The following WDR20 variants were observed in gnomAD, a reference collection of about 807,000 sequenced individuals.
WDR20 encodes WD repeat domain 20.
A neutral mutation model predicts 38.7 loss-of-function variants in WDR20; 3 were observed. The ratio of observed to expected loss-of-function variants is 0.08; its 90% CI spans 0.04 to 0.20. WDR20 has a LOEUF of 0.20. WDR20 is among the 10% of genes least tolerant of loss of function. The probability of loss-of-function intolerance (pLI) is 1.00; values close to 1 mark genes in which losing one functional copy is unlikely to be tolerated. For missense variants in WDR20, 559 were observed against 727.7 expected (o/e 0.77, Z 2.67); for synonymous variants, 298 against 285.6 (o/e 1.04, Z -0.44).
intron 2 of WDR20, 51 bp downstream of exon 2, chr14:102,195,171 A>G (rs1384876563): frequency 2.5e-6 from 4 of 1,581,878 alleles, no homozygotes; most frequent in East Asian, 4.5e-5. Context: ...GAGTTGATAC[A>G]TTCTTACCGA....
chr14:102,147,579 T>C (rs1030179445), intron 1 of WDR20, among the ~76,000 whole-genome samples: 1 of 152,254 alleles, frequency 6.6e-6, no homozygotes, highest in Non-Finnish European at 1.5e-5. Context: ...GTGTCACTTA[T>C]ACGATATTTA....
intron 2 of WDR20, among the ~76,000 whole-genome samples, chr14:102,200,678 C>T (rs2060245287): frequency 6.6e-6 from 1 of 152,150 alleles, no homozygotes; most frequent in Admixed American, 6.5e-5. Flanking sequence ...GAAGGATTTT[C>T]AAGTATGTGT....
At chr14:102,216,426 G>GGACC (rs1198570375), downstream of WDR20, among the ~76,000 whole-genome samples, 1 of 152,012 alleles carries the variant, frequency 6.6e-6, no homozygotes, top group Non-Finnish European at 1.5e-5. Context: ...TGAGTAACTG[G>GGACC]GACCATAGGC....
At chr14:102,139,457 G>A, upstream of WDR20, 2 of 1,483,996 alleles carry the variant, frequency 1.3e-6, no homozygotes, top group Non-Finnish European at 1.8e-6. Context: ...GTGGCCGTCG[G>A]GGTGGCGCTC....
At position 102,222,925 on chromosome 14, in the gene WDR20, C is replaced by G; in HGVS notation, c.*42C>G. 1.2e-6 allele frequency: 2 copies of G among 1,612,428 alleles called. No homozygotes were observed. Among genetic ancestry groups the G allele is most frequent in the Non-Finnish European group, 1.7e-6 (2 of 1,178,896 alleles). ...CGCACAGTCTCCCGGGACTTGGACT[C>G]GAGGGAGTGACGAGGAGGAGCTCCG... On this transcript the variant is annotated 3_prime_UTR_variant, in exon 4 of 4. Transcript: ENST00000335263. The surrounding 1 kb of genome is among the most constrained non-coding windows in gnomAD (Gnocchi z 4.4).
chr14:102,192,860 T>G (rs1408197703), intron 1 of WDR20, among the ~76,000 whole-genome samples: 1 of 152,182 alleles, frequency 6.6e-6, no homozygotes, highest in Non-Finnish European at 1.5e-5. Flanking sequence ...TAGCCTGAAG[T>G]GCAGTGGTGC....
intron 1 of WDR20, among the ~76,000 whole-genome samples, chr14:102,187,939 G>A (rs1244895709): frequency 2.6e-5 from 4 of 152,146 alleles, no homozygotes; most frequent in Admixed American, 6.5e-5. Context: ...CCTGCATTAG[G>A]CACTTGGTAG....
intron 1 of WDR20, among the ~76,000 whole-genome samples, chr14:102,175,825 G>C (rs1230751635): frequency 6.6e-6 from 1 of 152,096 alleles, no homozygotes; most frequent in Non-Finnish European, 1.5e-5. Context: ...TGTAAAAGGG[G>C]TTAAGTTCTT....
At chr14:102,196,068 G>A (rs992299371) in intron 2 of WDR20, among the ~76,000 whole-genome samples, 30 of 152,340 alleles carry the variant, frequency 2.0e-4, no homozygotes, top group Middle Eastern at 3.4e-3. Context: ...TGGTTTTTAA[G>A]AAATAATTTT....
downstream of WDR20, chr14:102,213,211 C>G: frequency 1.0e-6 from 1 of 985,468 alleles, no homozygotes; most frequent in Non-Finnish European, 1.2e-6. Flanking sequence ...GAGCCTTTCT[C>G]TGAGGCTTTT....
intron 1 of WDR20, among the ~76,000 whole-genome samples, chr14:102,153,964 T>C (rs1171330087): frequency 6.6e-6 from 1 of 152,206 alleles, no homozygotes; most frequent in African/African-American, 2.4e-5. Context: ...AGCAGGAGGA[T>C]TGCTTGAGGC....
At chr14:102,171,985 T>C (rs912431835) in intron 1 of WDR20, among the ~76,000 whole-genome samples, 7 of 151,196 alleles carry the variant, frequency 4.6e-5, no homozygotes, top group African/African-American at 1.7e-4. Context: ...GGGTCATATG[T>C]GGAGGGAAGG....
intron 2 of WDR20, chr14:102,197,982 G>A (rs898077807): frequency 7.3e-6 from 4 of 546,232 alleles, no homozygotes; most frequent in Middle Eastern, 8.4e-4. Context: ...TCTCAGGAGG[G>A]AAGAGAGGTA....
At chr14:102,204,401 C>T (rs1470804506) in intron 2 of WDR20, among the ~76,000 whole-genome samples, 1 of 152,194 alleles carries the variant, frequency 6.6e-6, no homozygotes, top group East Asian at 1.9e-4. Flanking sequence ...CTCCCCAGCA[C>T]GTTCTCTTCT....
chr14:102,224,676 C>T (rs768891828), downstream of WDR20: 6 of 455,828 alleles, frequency 1.3e-5, no homozygotes, highest in African/African-American at 2.0e-5. Context: ...TCAGCTCAGC[C>T]CTCGGTTTAG....
At chr14:102,193,496 C>T (rs753651051) in intron 1 of WDR20, 1 of 1,613,582 alleles carries the variant, frequency 6.2e-7, no homozygotes, top group Non-Finnish European at 8.5e-7. Context: ...CAGAGATTCT[C>T]ATCTCCGTTT....
rs774007872 is a variant in WDR20, at chr14:102,208,704, T to C, written c.534T>C (p.Asn178=). ...CGAGTGGGAACATGTACTTATATAA[T>C]GTGGAGCACACTTGTGGCACCACAG... ...AHSSGNMYLY[N]VEHTCGTTAP... Residue 178 remains asparagine (N), a synonymous_variant, in exon 3 of 3, where the codon AAT becomes AAC. Coordinates refer to ENST00000342702, the MANE Select transcript of WDR20 (RefSeq NM_144574.4). This position sits in a 1 kb window ranked among gnomAD's most constrained non-coding sequence, Gnocchi z 5.6. The C allele has an allele frequency of 1.2e-5, 19 of 1,614,074 alleles. No homozygotes were observed. The South Asian group carries it at 1.6e-4, about 14-fold the overall frequency.
rs372523423 is a variant in WDR20, at chr14:102,174,522, C to T, written c.250-20416C>T. ...GCAACCTCCACCTCCTGGGTTCAAGCGATTCTCCTGTCTCAGCCTCCCGAG... is the reference window on the plus strand; with the variant it reads ...GCAACCTCCACCTCCTGGGTTCAAGTGATTCTCCTGTCTCAGCCTCCCGAG... On this transcript the variant is annotated intron_variant, in intron 1 of 2. Transcript: ENST00000342702. Among the ~76,000 whole-genome samples, 4 of 152,230 alleles carry T rather than the reference C, an allele frequency of 2.6e-5. No homozygotes were observed. In the East Asian group the frequency reaches 5.8e-4, roughly 22 times the overall value.
intron 2 of WDR20, among the ~76,000 whole-genome samples, chr14:102,200,477 G>GTGTT (rs1555400585): frequency 3.3e-5 from 3 of 91,874 alleles, no homozygotes; most frequent in African/African-American, 2.0e-4. Context: ...TTGTGTGTGT[G>GTGTT]TGTGTGTGTG....
Sources: allele counts gnomAD v4.1 joint callset (sites outside exome capture counted in the v4.1 genomes callset), GRCh38; gene constraint gnomAD v4.1.1; non-coding constraint Gnocchi (gnomAD v3.1); transcripts MANE v1.5; gene names NCBI Gene and HGNC (gene_info 2026-07-23, HGNC 2026-07-21).